The following CREB5 variants were observed in gnomAD, a reference collection of about 807,000 sequenced individuals.
CREB5 encodes the protein cAMP responsive element binding protein 5.
A neutral mutation model predicts 57.1 loss-of-function variants in CREB5; 19 were observed. That is an observed-to-expected ratio of 0.33 (90% CI 0.23 to 0.49). The LOEUF (loss-of-function observed/expected upper bound fraction) is 0.49. Ranked by LOEUF, CREB5 falls within the 20% of genes least tolerant of loss-of-function variation. The pLI is 0.99. For missense variants in CREB5, 579 were observed against 671.6 expected, an observed-to-expected ratio of 0.86 and a Z score of 1.52; for synonymous variants, 238 against 238.3, an observed-to-expected ratio of 1.00 and a Z score of 0.01.
intron 1 of CREB5, among the ~76,000 whole-genome samples, chr7:28,486,614 T>C (rs905812057): frequency 1.4e-5 from 2 of 145,298 alleles, no homozygotes; most frequent in African/African-American, 2.5e-5. Context: ...GGGTATGATA[T>C]AGAAAATTAT....
intron 8 of CREB5, among the ~76,000 whole-genome samples, 171 bp downstream of exon 8, chr7:28,804,693 C>T (rs556964580): frequency 6.6e-6 from 1 of 152,262 alleles, no homozygotes; most frequent in South Asian, 2.1e-4. Context: ...TAAGACCCTA[C>T]CAGATCATAA....
intron 7 of CREB5, among the ~76,000 whole-genome samples, chr7:28,754,007 A>C (rs966721425): frequency 6.6e-6 from 1 of 151,736 alleles, no homozygotes; most frequent in Non-Finnish European, 1.5e-5. Flanking sequence ...AACCTCCCTC[A>C]ACCTCATCAA....
At chr7:28,729,424 A>G (rs530856319) in intron 7 of CREB5, among the ~76,000 whole-genome samples, 2 of 152,300 alleles carry the variant, frequency 1.3e-5, no homozygotes, top group East Asian at 1.9e-4. Flanking sequence ...ATGGTGAGCA[A>G]TCCGTGGTTG....
intron 1 of CREB5, among the ~76,000 whole-genome samples, chr7:28,476,431 G>C (rs1791071541): frequency 6.6e-6 from 1 of 152,158 alleles, no homozygotes; most frequent in Non-Finnish European, 1.5e-5. Flanking sequence ...ACAGCACTTT[G>C]CAGTTTATGA....
intron 1 of CREB5, among the ~76,000 whole-genome samples, chr7:28,450,706 A>T (rs952820486): frequency 6.6e-6 from 1 of 152,242 alleles, no homozygotes; most frequent in African/African-American, 2.4e-5. Context: ...ACAGGGTGGC[A>T]GGAGATAAGC....
At position 28,377,947 on chromosome 7, in the gene CREB5, A is replaced by AAAAAG. The variant is rs1554309950; in HGVS notation, c.-25+78510_-25+78511insGAAAA. ...ACTCTATCTCAAAAAAAAAAAAAAC[A>AAAAAG]AAAAAGAAAAAGAAAAAGAAAAAAA... is the stretch of plus-strand genomic sequence containing the variant. On this transcript the variant is annotated intron_variant, in intron 1 of 9. Coordinates refer to the CREB5 transcript ENST00000396299. Among the ~76,000 whole-genome samples, 56 of 144,844 alleles carry AAAAAG rather than the reference A, an allele frequency of 3.9e-4. 2 individuals carry two copies. Among genetic ancestry groups the AAAAAG allele is most frequent in the African/African-American group, 1.4e-3 (55 of 39,280 alleles).
At position 28,314,513 on chromosome 7, in the gene CREB5, C is replaced by A. The variant is rs111398129; in HGVS notation, c.-25+15072C>A. On this transcript the variant is annotated intron_variant, in intron 1 of 9. Transcript: ENST00000396299. The stretch of plus-strand genomic sequence containing the variant: ...CTTCAGTATCTCTGAGCTTCATTTT[C>A]ATTGTCTGGTCAAAACCAGGAGAGT... 4.1e-3 allele frequency among the ~76,000 whole-genome samples: 631 copies of A among 152,284 alleles called. 2 individuals are homozygous for A. Among genetic ancestry groups the A allele is most frequent in the African/African-American group, 0.015 (603 of 41,554 alleles).
chr7:28,593,838 T>C (rs1796607323), intron 5 of CREB5, among the ~76,000 whole-genome samples: 1 of 152,160 alleles, frequency 6.6e-6, no homozygotes, highest in Non-Finnish European at 1.5e-5. Flanking sequence ...GAGGACCCAT[T>C]AATTTTGGAT....
chr7:28,373,438 CTTTTTTCT>C (rs1216397495), intron 1 of CREB5, among the ~76,000 whole-genome samples: 3 of 100,114 alleles, frequency 3.0e-5, no homozygotes, highest in East Asian at 4.0e-4. Flanking sequence ...TTCTTTTTTT[CTTTTTTCT>C]TTTTTTTTTT....
intron 7 of CREB5, among the ~76,000 whole-genome samples, chr7:28,788,948 C>T (rs924972229): frequency 6.6e-6 from 1 of 152,124 alleles, no homozygotes; most frequent in Non-Finnish European, 1.5e-5. Flanking sequence ...AGTTGCTTTA[C>T]GTCTTCTGTA....
intron 5 of CREB5, among the ~76,000 whole-genome samples, chr7:28,575,303 A>G (rs957664156): frequency 6.6e-6 from 1 of 152,226 alleles, no homozygotes; most frequent in African/African-American, 2.4e-5. Context: ...GGGAATGTTA[A>G]TACATTTGAG....
intron 7 of CREB5, 126 bp from the exon 8 acceptor site, chr7:28,804,073 T>C: frequency 1.2e-6 from 1 of 822,318 alleles, no homozygotes; most frequent in South Asian, 1.8e-5. Context: ...TAGCTACTGG[T>C]AGGAAACATT....
At chr7:28,815,611 C>T (rs985740494) in intron 9 of CREB5, among the ~76,000 whole-genome samples, 4 of 152,270 alleles carry the variant, frequency 2.6e-5, no homozygotes, top group Non-Finnish European at 5.9e-5. Context: ...AGGCAGTTAG[C>T]TCTTTGCTAA....
intron 5 of CREB5, among the ~76,000 whole-genome samples, chr7:28,662,251 G>A (rs976696451): frequency 6.6e-6 from 1 of 152,206 alleles, no homozygotes; most frequent in African/African-American, 2.4e-5. Flanking sequence ...TTTAAAAGGT[G>A]AGAAAACACC....
intron 5 of CREB5, among the ~76,000 whole-genome samples, chr7:28,675,093 G>A (rs1262791590): frequency 6.6e-6 from 1 of 152,094 alleles, no homozygotes; most frequent in African/African-American, 2.4e-5. Context: ...TCAATCCTCA[G>A]GTAAAATGTC....
chr7:28,732,274 A>C (rs1290327813), intron 7 of CREB5, among the ~76,000 whole-genome samples: 1 of 152,114 alleles, frequency 6.6e-6, no homozygotes, highest in African/African-American at 2.4e-5. Flanking sequence ...AACCACGGCA[A>C]CTGGTGAAAT....
At chr7:28,369,065 C>G (rs1786647123) in intron 1 of CREB5, among the ~76,000 whole-genome samples, 2 of 151,928 alleles carry the variant, frequency 1.3e-5, no homozygotes, top group Admixed American at 1.3e-4. Flanking sequence ...AACAAACAAA[C>G]AAACAAACAA....
intron 1 of CREB5, among the ~76,000 whole-genome samples, chr7:28,342,653 C>T (rs1785959919): frequency 6.6e-6 from 1 of 152,194 alleles, no homozygotes; most frequent in Non-Finnish European, 1.5e-5. Context: ...GAATATCACT[C>T]CATCTCTATT....
At chr7:28,527,080 C>A (rs151219350) in intron 4 of CREB5, among the ~76,000 whole-genome samples, 1 of 152,312 alleles carries the variant, frequency 6.6e-6, no homozygotes, top group Non-Finnish European at 1.5e-5. Context: ...GGAATTGGAG[C>A]TGAGACATGA....
Sources: allele counts gnomAD v4.1 joint callset (sites outside exome capture counted in the v4.1 genomes callset), GRCh38; gene constraint gnomAD v4.1.1; transcripts MANE v1.5; gene names NCBI Gene and HGNC (gene_info 2026-07-23, HGNC 2026-07-21).